The following NALCN variants were observed in gnomAD, a reference collection of about 807,000 sequenced individuals.
NALCN encodes the protein sodium leak channel, non-selective.
A neutral mutation model predicts 225.3 loss-of-function variants in NALCN; 111 were observed. The ratio of observed to expected loss-of-function variants is 0.49; its 90% CI spans 0.42 to 0.58. NALCN has a LOEUF of 0.58. Ranked by LOEUF, NALCN falls within the 20% of genes least tolerant of loss-of-function variation. The pLI, the probability that NALCN is intolerant of heterozygous loss-of-function variation, is 0.00. For missense variants in NALCN, 1,378 were observed against 2,202.4 expected (o/e 0.63, Z 7.49); for synonymous variants, 764 against 769.0 (o/e 0.99, Z 0.11).
chr13:101,335,502 ACT>A (rs1276405598), intron 7 of NALCN, among the ~76,000 whole-genome samples: 3 of 152,132 alleles, frequency 2.0e-5, no homozygotes, highest in Non-Finnish European at 4.4e-5. Context: ...CTTGTCCTCG[ACT>A]CAACAAAAAT....
chr13:101,107,445 A>G, intron 22 of NALCN, 42 bp downstream of exon 22: 1 of 1,612,844 alleles, frequency 6.2e-7, no homozygotes, highest in Admixed American at 1.7e-5. Flanking sequence ...TGCTGTTTGC[A>G]TGGCTCAGGC....
rs142991845 is a variant in NALCN at position 101,264,659 on chromosome 13, G to A, written c.1135-6085C>T. On this transcript the variant is annotated intron_variant, in intron 10 of 43. Coordinates refer to ENST00000251127, the MANE Select transcript of NALCN (RefSeq NM_052867.4). ...CTGTTGTAGGGGATACTCCTTAATA[G>A]CAGGCTGCACTGGGTGACCTATAAG... is the stretch of plus-strand genomic sequence containing the variant. Among the ~76,000 whole-genome samples, 1,349 of 152,254 alleles carry A rather than the reference G, an allele frequency of 8.9e-3. 10 individuals are homozygous for A. Among genetic ancestry groups the A allele is most frequent in the Non-Finnish European group, 0.013 (902 of 68,018 alleles).
chr13:101,391,536 C>A (rs1458150220), intron 3 of NALCN, among the ~76,000 whole-genome samples: 1 of 151,798 alleles, frequency 6.6e-6, no homozygotes, highest in Non-Finnish European at 1.5e-5. Flanking sequence ...TTTTAAGAAT[C>A]AGCCACACAT....
chr13:101,165,863 T>C (rs968850927), intron 15 of NALCN, among the ~76,000 whole-genome samples: 2 of 152,256 alleles, frequency 1.3e-5, no homozygotes, highest in Admixed American at 1.3e-4. Flanking sequence ...TTTTCATCTT[T>C]CAAAGTGGAA....
chr13:101,201,356 CA>C (rs1047603927), intron 13 of NALCN, among the ~76,000 whole-genome samples: 13 of 152,308 alleles, frequency 8.5e-5, no homozygotes, highest in African/African-American at 3.1e-4. Context: ...CTCCCTCCCT[CA>C]GCCTTTGGAA....
chr13:101,354,495 C>G (rs2045993142), intron 6 of NALCN, among the ~76,000 whole-genome samples: 1 of 152,180 alleles, frequency 6.6e-6, no homozygotes, highest in African/African-American at 2.4e-5. Context: ...AGCAACTTTT[C>G]TCCTTTTGCC....
intron 12 of NALCN, among the ~76,000 whole-genome samples, chr13:101,235,358 T>C (rs191262725): frequency 2.6e-5 from 4 of 152,344 alleles, no homozygotes; most frequent in Non-Finnish European, 4.4e-5. Flanking sequence ...CCTGAATATA[T>C]TTTATACTGT....
At chr13:101,323,429 G>A (rs556014753) in intron 7 of NALCN, among the ~76,000 whole-genome samples, 1 of 152,300 alleles carries the variant, frequency 6.6e-6, no homozygotes, top group South Asian at 2.1e-4. Context: ...ACGACACAAT[G>A]CAACTCTATT....
rs1313737286 is a variant in NALCN at position 101,053,838 on chromosome 13, A to G, written c.*1457T>C. 1 of 152,182 alleles carries G rather than the reference A, an allele frequency of 6.6e-6. No homozygotes were observed. The highest frequency in any genetic ancestry group is 1.5e-5 in the Non-Finnish European group (1 of 68,038). The allele number at this position is 152,182 out of a possible 1,614,324, so 9.4% of individuals were successfully genotyped here. Reference sequence around the variant, plus strand: ...TACAAAAAGTAAACTCCAAGTGAACATCAAATCAAATCTAATCCTTTTGGC... The same window carrying G: ...TACAAAAAGTAAACTCCAAGTGAACGTCAAATCAAATCTAATCCTTTTGGC... On this transcript the variant is annotated 3_prime_UTR_variant, in exon 44 of 44. Coordinates refer to ENST00000251127, the MANE Select transcript of NALCN (RefSeq NM_052867.4).
At chr13:101,331,411 C>T (rs560979792) in intron 7 of NALCN, among the ~76,000 whole-genome samples, 5 of 151,998 alleles carry the variant, frequency 3.3e-5, no homozygotes, top group South Asian at 4.2e-4. Flanking sequence ...ATTGAAAATT[C>T]GATAAATAAA....
At chr13:101,205,172 T>G (rs2040264502) in intron 13 of NALCN, among the ~76,000 whole-genome samples, 1 of 152,132 alleles carries the variant, frequency 6.6e-6, no homozygotes, top group African/African-American at 2.4e-5. Flanking sequence ...TACATGCATA[T>G]TCTCAGCAAT....
At chr13:101,370,003 T>G (rs2046492950) in intron 6 of NALCN, among the ~76,000 whole-genome samples, 1 of 152,194 alleles carries the variant, frequency 6.6e-6, no homozygotes, top group African/African-American at 2.4e-5. Context: ...CTCTGTTTCT[T>G]TTTTATTTCA....
chr13:101,065,559 C>T lies in NALCN; in HGVS notation c.4449G>A (p.Gly1483=), dbSNP rs2032308409. Residue 1483 remains glycine (G), a splice_region_variant and synonymous_variant, in exon 40 of 44, where the codon GGG becomes GGA. Coordinates refer to ENST00000251127, the MANE Select transcript of NALCN (RefSeq NM_052867.4). ...ACTTGACGCGGAACGTGGGGATCAC[C>T]CCCTGCGGGGCAGAGCACAAGAAGT... is the stretch of plus-strand genomic sequence containing the variant. ...IWNMVDDKRE[G]VIPTFRVKFL... 4 of 1,613,668 alleles carry T rather than the reference C, an allele frequency of 2.5e-6. No homozygotes were observed. Among genetic ancestry groups the T allele is most frequent in the Non-Finnish European group, 3.4e-6 (4 of 1,179,974 alleles).
rs578221230 is a variant in NALCN, at chr13:101,171,558, G to A, written c.1839+4742C>T. Among the ~76,000 whole-genome samples, 7 of 152,112 alleles carry A rather than the reference G, an allele frequency of 4.6e-5. No individual in the cohort carries two copies. The East Asian group carries it at 5.8e-4, about 13-fold the overall frequency. ...ATGATGGCAGCTATGAAAAGATTAC[G>A]CTGCCCTATTGCTATTAGCAATCAG... On this transcript the variant is annotated intron_variant, in intron 15 of 43. Transcript: ENST00000251127.
intron 11 of NALCN, among the ~76,000 whole-genome samples, chr13:101,254,338 A>C (rs2042150552): frequency 7.5e-6 from 1 of 133,604 alleles, no homozygotes; most frequent in South Asian, 2.5e-4. Context: ...GTGCCACTGC[A>C]CTCTAGCCTG....
chr13:101,069,316 G>T (rs2032669358), intron 37 of NALCN, among the ~76,000 whole-genome samples: 1 of 152,228 alleles, frequency 6.6e-6, no homozygotes, highest in African/African-American at 2.4e-5. Flanking sequence ...GCATGTTTTG[G>T]TTTCCCAGTG....
intron 6 of NALCN, among the ~76,000 whole-genome samples, chr13:101,358,610 G>T (rs2046132604): frequency 6.6e-6 from 1 of 152,196 alleles, no homozygotes; most frequent in Non-Finnish European, 1.5e-5. Context: ...ATGTAAATTA[G>T]TTCAACCACT....
intron 13 of NALCN, among the ~76,000 whole-genome samples, chr13:101,199,668 A>G (rs71439695): frequency 4.3e-4 from 40 of 93,012 alleles, no homozygotes; most frequent in African/African-American, 6.7e-4. Context: ...GGGAGGGGGG[A>G]GGGATAGCAT....
chr13:101,416,396 G>T lies in NALCN; in HGVS notation c.-123C>A. 1 of 152,930 alleles carries T rather than the reference G, an allele frequency of 6.5e-6. No homozygotes were observed. The highest frequency in any genetic ancestry group is 1.9e-4 in the South Asian group (1 of 5,206). The allele number at this position is 152,930 out of a possible 1,614,324, so 9.5% of individuals were successfully genotyped here. ...TGGGCGACCGGCAGGATCAGTGCCA[G>T]GCGCGGCGCCCAGGGCGGGCGGGGA... On this transcript the variant is annotated 5_prime_UTR_variant, in exon 1 of 44. In the 5' UTR this introduces an upstream ATG that the reference lacks. Transcript: ENST00000251127.
Sources: gnomAD v4.1 joint callset for allele counts (sites outside exome capture counted in the v4.1 genomes callset) on GRCh38, gnomAD v4.1.1 for gene constraint, MANE v1.5 for transcripts, NCBI Gene and HGNC (gene_info 2026-07-23, HGNC 2026-07-21) for gene names.